The following TTLL5 variants were observed in gnomAD, a reference collection of about 807,000 sequenced individuals.
TTLL5 encodes the protein tubulin polyglutamylase TTLL5.
Under a neutral mutation model 168.4 loss-of-function variants are expected in TTLL5, and 132 were observed. That is an observed-to-expected ratio of 0.78 (90% CI 0.68 to 0.91). The LOEUF is 0.91. TTLL5 is among the 40% of genes least tolerant of loss of function. The pLI, the probability that TTLL5 is intolerant of heterozygous loss-of-function variation, is 0.00. For synonymous variants in TTLL5, 546 were observed against 558.6 expected (o/e 0.98, Z 0.32); for missense variants, 1,545 against 1,581.5 (o/e 0.98, Z 0.39).
chr14:75,789,085 A>T (rs544437647), intron 26 of TTLL5, among the ~76,000 whole-genome samples: 1 of 152,286 alleles, frequency 6.6e-6, no homozygotes, highest in South Asian at 2.1e-4. Context: ...TAGGAAGAGA[A>T]GGAGATTCTC....
At chr14:75,800,620 G>A (rs1893243969) in intron 27 of TTLL5, among the ~76,000 whole-genome samples, 1 of 152,176 alleles carries the variant, frequency 6.6e-6, no homozygotes. Flanking sequence ...GGTCTGGGTT[G>A]AAGGGCTGCT....
At position 75,669,525 on chromosome 14, in the gene TTLL5, G is replaced by A. The variant is rs1883547963; in HGVS notation, c.181+3G>A. On this transcript the variant is annotated splice_donor_region_variant and intron_variant, in intron 3 of 31. Transcript: ENST00000298832. ...CAACAATATTAGAGTAATTGGAGGT[G>A]CGTATAACCTCTCCCACAGAGGACG... 6 of 1,612,786 alleles carry A rather than the reference G, an allele frequency of 3.7e-6. No individual in the cohort carries two copies. The South Asian group carries it at 6.6e-5, about 18-fold the overall frequency.
chr14:75,895,064 G>A (rs1235178882), intron 30 of TTLL5, among the ~76,000 whole-genome samples: 6 of 152,182 alleles, frequency 3.9e-5, no homozygotes, highest in South Asian at 2.1e-4. Context: ...GCTTTAATAA[G>A]TGGGTTTTCA....
At chr14:75,915,329 T>C (rs2033577298) in intron 31 of TTLL5, among the ~76,000 whole-genome samples, 1 of 152,230 alleles carries the variant, frequency 6.6e-6, no homozygotes, top group South Asian at 2.1e-4. Context: ...TGTTACACTT[T>C]AAATGTGCAC....
Position 75,694,431 on chromosome 14 carries a change from G to T in TTLL5, c.502+4109G>T, listed in dbSNP as rs528402531. Among the ~76,000 whole-genome samples, 5 of 152,162 alleles carry T rather than the reference G, an allele frequency of 3.3e-5. No homozygotes were observed. The South Asian group carries it at 1.0e-3, about 32-fold the overall frequency. On this transcript the variant is annotated intron_variant, in intron 6 of 31. Coordinates refer to ENST00000298832, the MANE Select transcript of TTLL5 (RefSeq NM_015072.5). ...GGCTCACTGCAACCTCTGCCTCCTG[G>T]GTTCAAGCAATTCTTCTGCCTCAAC...
At chr14:75,925,373 A>T (rs1230897798) in intron 31 of TTLL5, among the ~76,000 whole-genome samples, 1 of 146,966 alleles carries the variant, frequency 6.8e-6, no homozygotes, top group African/African-American at 2.6e-5. Context: ...CACCTCCGAG[A>T]CGGGGTCGCG....
chr14:75,833,738 C>T (rs1302568108), intron 28 of TTLL5, among the ~76,000 whole-genome samples: 1 of 152,052 alleles, frequency 6.6e-6, no homozygotes, highest in Non-Finnish European at 1.5e-5. Context: ...TTACCCATAC[C>T]CATACATTAG....
chr14:75,854,855 A>G (rs1272585878), intron 28 of TTLL5, among the ~76,000 whole-genome samples: 3 of 152,164 alleles, frequency 2.0e-5, no homozygotes, highest in Non-Finnish European at 4.4e-5. Flanking sequence ...TTTGTTATTC[A>G]TATCAACAGT....
chr14:75,889,362 A>G (rs1411378101), intron 30 of TTLL5, among the ~76,000 whole-genome samples: 1 of 152,246 alleles, frequency 6.6e-6, no homozygotes, highest in Non-Finnish European at 1.5e-5. Flanking sequence ...AAGACCCAAG[A>G]TAAGGACATA....
chr14:75,683,996 A>G, intron 5 of TTLL5: 1 of 221,542 alleles, frequency 4.5e-6, no homozygotes, highest in South Asian at 5.8e-5. Flanking sequence ...CTGGTCTCAA[A>G]CTCCTGACCT....
chr14:75,872,822 A>T (rs1013847908), intron 29 of TTLL5, among the ~76,000 whole-genome samples: 2 of 151,574 alleles, frequency 1.3e-5, no homozygotes, highest in African/African-American at 4.8e-5. Context: ...GAGGTAGGAG[A>T]ATCACTTGAA....
chr14:75,836,068 A>G (rs917044270), intron 28 of TTLL5, among the ~76,000 whole-genome samples: 2 of 152,222 alleles, frequency 1.3e-5, no homozygotes, highest in Non-Finnish European at 2.9e-5. Context: ...GGAAAGCAGT[A>G]TATTGAAGAG....
At position 75,671,205 on chromosome 14, in the gene TTLL5, A is replaced by G. The variant is rs959666141; in HGVS notation, c.181+1683A>G. 1.1e-4 allele frequency among the ~76,000 whole-genome samples: 16 copies of G among 152,252 alleles called. 1 individual carries two copies. Among genetic ancestry groups the G allele is most frequent in the Non-Finnish European group, 2.9e-5 (2 of 68,042 alleles). On this transcript the variant is annotated intron_variant, in intron 3 of 31. Coordinates refer to ENST00000298832, the MANE Select transcript of TTLL5 (RefSeq NM_015072.5). Reference sequence around the variant, plus strand: ...GGTCTTGGCACTATTGTTGAAAATCAGTAGACCATAGGTGTATGGGTTTAC... The same window carrying G: ...GGTCTTGGCACTATTGTTGAAAATCGGTAGACCATAGGTGTATGGGTTTAC...
At chr14:75,785,189 T>TC in intron 26 of TTLL5, among the ~76,000 whole-genome samples, 1 of 148,386 alleles carries the variant, frequency 6.7e-6, no homozygotes, top group East Asian at 1.9e-4. Flanking sequence ...TTTTTTTTTT[T>TC]TTTTTTTTTT....
At chr14:75,872,531 A>G (rs1245572536) in intron 29 of TTLL5, among the ~76,000 whole-genome samples, 1 of 152,138 alleles carries the variant, frequency 6.6e-6, no homozygotes, top group Non-Finnish European at 1.5e-5. Context: ...GTAAATGGTG[A>G]TGATGAGGAG....
chr14:75,692,217 C>G (rs906857501), intron 6 of TTLL5, among the ~76,000 whole-genome samples: 1 of 152,156 alleles, frequency 6.6e-6, no homozygotes, highest in Admixed American at 6.5e-5. Context: ...GTGGAAATCA[C>G]TTGGGATAGT....
chr14:75,690,286 A>G lies in TTLL5; in HGVS notation c.466A>G (p.Thr156Ala), dbSNP rs1331872412. 1.2e-6 allele frequency: 2 copies of G among 1,610,434 alleles called. No individual in the cohort carries two copies. Among genetic ancestry groups the G allele is most frequent in the East Asian group, 4.5e-5 (2 of 44,738 alleles). Residue 156 changes from threonine to alanine, a missense_variant, in exon 6 of 32, where the codon ACC (threonine) becomes GCC (alanine). By Grantham distance (58) the Thr-to-Ala change is moderately conservative. Transcript: ENST00000298832. ...CAAGGCTTTTCACATCCTCCCCCAG[A>G]CCTTCCTCCTGCCAGCTGAGTACGC... ...GFKAFHILPQTFLLPAEYAEF... is the reference protein window; with the variant it reads ...GFKAFHILPQAFLLPAEYAEF...
intron 27 of TTLL5, among the ~76,000 whole-genome samples, chr14:75,817,664 T>C (rs1894512658): frequency 6.6e-6 from 1 of 152,170 alleles, no homozygotes; most frequent in South Asian, 2.1e-4. Context: ...TAGCCAAACA[T>C]TTGCCTTGGA....
At chr14:75,751,742 T>G (rs901072340) in intron 17 of TTLL5, among the ~76,000 whole-genome samples, 1 of 152,062 alleles carries the variant, frequency 6.6e-6, no homozygotes, top group Non-Finnish European at 1.5e-5. Context: ...TGAGAGAGTG[T>G]TACTGGAAAG....
Sources: allele counts gnomAD v4.1 joint callset (sites outside exome capture counted in the v4.1 genomes callset), GRCh38; gene constraint gnomAD v4.1.1; transcripts MANE v1.5; gene names NCBI Gene and HGNC (gene_info 2026-07-23, HGNC 2026-07-21).